The following BCL2L1 variants were observed in gnomAD, a reference collection of about 807,000 sequenced individuals.
BCL2L1 encodes the protein bcl-2-like protein 1.
Under a neutral mutation model 18.7 loss-of-function variants are expected in BCL2L1, and 1 was observed. The ratio of observed to expected loss-of-function variants is 0.05; its 90% CI spans 0.02 to 0.25. BCL2L1 has a LOEUF of 0.25. Among genes scored for constraint, BCL2L1 ranks in the 10% least tolerant of loss-of-function variants. BCL2L1 has a pLI of 1.00. For synonymous variants in BCL2L1, 103 were observed against 122.7 expected (o/e 0.84, Z 1.06); for missense variants, 207 against 304.9 (o/e 0.68, Z 2.39).
chr20:31,686,843 G>A (rs1351349376), intron 2 of BCL2L1, among the ~76,000 whole-genome samples: 2 of 152,186 alleles, frequency 1.3e-5, no homozygotes, highest in Non-Finnish European at 2.9e-5. Flanking sequence ...AGAGAGCCAA[G>A]GGAAGCCCAT....
At chr20:31,721,591 G>T in intron 2 of BCL2L1, 64 bp downstream of exon 2, 1 of 1,501,442 alleles carries the variant, frequency 6.7e-7, no homozygotes, top group Non-Finnish European at 8.9e-7. Context: ...TACAGAAGAA[G>T]GGCTGTTGGG....
At chr20:31,681,017 A>T (rs2060850694) in intron 2 of BCL2L1, among the ~76,000 whole-genome samples, 1 of 152,224 alleles carries the variant, frequency 6.6e-6, no homozygotes, top group Admixed American at 6.5e-5. Context: ...AGGCAGGAAC[A>T]CGCTTGAGGT....
chr20:31,700,404 C>G (rs1232607500), intron 2 of BCL2L1, among the ~76,000 whole-genome samples: 1 of 152,178 alleles, frequency 6.6e-6, no homozygotes, highest in Non-Finnish European at 1.5e-5. Flanking sequence ...TCCCTGGGCA[C>G]GACCTATCTA....
Position 31,665,839 on chromosome 20 carries a change from G to A in BCL2L1, c.*110C>T. 1 of 1,420,886 alleles carries A rather than the reference G, an allele frequency of 7.0e-7. No homozygotes were observed. The highest frequency in any genetic ancestry group is 9.6e-7 in the Non-Finnish European group (1 of 1,039,520). 88.0% of individuals were successfully genotyped at this position (1,420,886 alleles called of 1,614,324 possible). A position where few individuals can be genotyped will look rare whatever the true frequency, so the allele number is the denominator to read the frequency against. On this transcript the variant is annotated 3_prime_UTR_variant, in exon 3 of 3. Transcript: ENST00000307677. ...CTGGGCCCAACCCTGTGATGGGCAG[G>A]TGGGCATGGGCTGCATGTAGTGGTT...
chr20:31,669,546 G>A (rs1023090064), intron 2 of BCL2L1, among the ~76,000 whole-genome samples: 7 of 150,958 alleles, frequency 4.6e-5, no homozygotes, highest in Non-Finnish European at 8.8e-5. Flanking sequence ...TCCGCCTCCC[G>A]GGTTCAAGCC....
At chr20:31,688,131 G>A (rs1406646379) in intron 2 of BCL2L1, among the ~76,000 whole-genome samples, 1 of 152,060 alleles carries the variant, frequency 6.6e-6, no homozygotes, top group Non-Finnish European at 1.5e-5. Flanking sequence ...CCAGGGCCAG[G>A]TACAGGAAGG....
chr20:31,685,739 T>G (rs1195091510), intron 2 of BCL2L1, among the ~76,000 whole-genome samples: 1 of 152,194 alleles, frequency 6.6e-6, no homozygotes, highest in Non-Finnish European at 1.5e-5. Context: ...CCCTTTTTTT[T>G]TCCCCTCAAG....
intron 2 of BCL2L1, chr20:31,719,987 G>A (rs2061596599): frequency 1.6e-6 from 1 of 635,232 alleles, no homozygotes; most frequent in South Asian, 7.0e-5. Context: ...GAGAATCAAA[G>A]CAGGAGGGAA....
chr20:31,685,270 G>C (rs2060936032), intron 2 of BCL2L1, among the ~76,000 whole-genome samples: 1 of 152,036 alleles, frequency 6.6e-6, no homozygotes, highest in Admixed American at 6.6e-5. Context: ...CGTGGTGGCG[G>C]GTGTCTGTAG....
At chr20:31,679,071 T>C (rs956728738) in intron 2 of BCL2L1, among the ~76,000 whole-genome samples, 1 of 152,226 alleles carries the variant, frequency 6.6e-6, no homozygotes, top group Non-Finnish European at 1.5e-5. Context: ...CCAACATTGA[T>C]CTGCACCAGA....
At chr20:31,711,943 G>C (rs1030076746) in intron 2 of BCL2L1, among the ~76,000 whole-genome samples, 2 of 152,120 alleles carry the variant, frequency 1.3e-5, no homozygotes, top group African/African-American at 4.8e-5. Context: ...GTGAAGCTCT[G>C]GGTATATCAC....
upstream of BCL2L1, chr20:31,723,650 C>A (rs1194768871): frequency 1.0e-6 from 1 of 985,400 alleles, no homozygotes; most frequent in African/African-American, 1.7e-5. Context: ...AGCCAATCAG[C>A]GAGCCCAGCC....
rs867347738 is a variant in BCL2L1, at chr20:31,720,769, T to C, written c.564+886A>G. On this transcript the variant is annotated intron_variant, in intron 2 of 2. Coordinates refer to ENST00000307677, the MANE Select transcript of BCL2L1 (RefSeq NM_138578.3). Reference sequence around the variant, plus strand: ...AGTTACATGACAGAACTGGAACTTATACCTGCATGTGAAGTCTGTTACTAA... The same window carrying C: ...AGTTACATGACAGAACTGGAACTTACACCTGCATGTGAAGTCTGTTACTAA... 109 of 985,452 alleles carry C rather than the reference T, an allele frequency of 1.1e-4. No homozygotes were observed. In the Middle Eastern group the frequency reaches 5.2e-3, roughly 47 times the overall value. The allele number at this position is 985,452 out of a possible 1,614,324, so 61.0% of individuals were successfully genotyped here.
chr20:31,723,781 C>G, upstream of BCL2L1: 1 of 985,472 alleles, frequency 1.0e-6, no homozygotes, highest in South Asian at 4.7e-5. Context: ...CTTCATCGGC[C>G]CGGTAGCTTC....
intron 2 of BCL2L1, among the ~76,000 whole-genome samples, chr20:31,704,031 TA>T (rs935490212): frequency 1.3e-5 from 2 of 149,288 alleles, no homozygotes; most frequent in East Asian, 4.0e-4. Flanking sequence ...CTCCTGACCT[TA>T]GTTGATCCAC....
At chr20:31,723,561 G>A (rs1338681975), upstream of BCL2L1, 2 of 984,592 alleles carry the variant, frequency 2.0e-6, no homozygotes, top group African/African-American at 3.5e-5. Context: ...CCCGTTGCTA[G>A]GCAACCGCCC....
At chr20:31,699,240 G>T (rs1048179257) in intron 2 of BCL2L1, among the ~76,000 whole-genome samples, 7 of 152,232 alleles carry the variant, frequency 4.6e-5, no homozygotes, top group Admixed American at 1.3e-4. Context: ...TCATGACCCT[G>T]CAGACAGGTG....
At chr20:31,685,410 AAAG>A (rs2060940267) in intron 2 of BCL2L1, among the ~76,000 whole-genome samples, 1 of 152,022 alleles carries the variant, frequency 6.6e-6, no homozygotes, top group Non-Finnish European at 1.5e-5. Flanking sequence ...AAAAAAAAAA[AAAG>A]AATTGAGAAA....
In BCL2L1 at chr20:31,687,221, A is replaced by C. The variant is rs550827499; in HGVS notation, c.565-21135T>G. On this transcript the variant is annotated intron_variant, in intron 2 of 2. Transcript: ENST00000307677. ...AGCATCTTGCACATGGCAGGCACTCAATAAATAGCAGCAACTATACTGTCA... is the reference window on the plus strand; with the variant it reads ...AGCATCTTGCACATGGCAGGCACTCCATAAATAGCAGCAACTATACTGTCA... Among the ~76,000 whole-genome samples the C allele has an allele frequency of 2.6e-5, 4 of 152,300 alleles. No individual in the cohort carries two copies. The South Asian group carries it at 8.3e-4, about 32-fold the overall frequency.
Sources: gnomAD v4.1 joint callset for allele counts (sites outside exome capture counted in the v4.1 genomes callset) on GRCh38, gnomAD v4.1.1 for gene constraint, MANE v1.5 for transcripts, NCBI Gene and HGNC (gene_info 2026-07-23, HGNC 2026-07-21) for gene names.